Variants in PIGC observed in about 807,000 individuals in gnomAD.
PIGC encodes phosphatidylinositol glycan anchor biosynthesis class C.
PIGC carries 14 observed loss-of-function variants against 20.9 expected under a neutral mutation model. The ratio of observed to expected loss-of-function variants is 0.67; its 90% CI spans 0.44 to 1.05. PIGC has a LOEUF of 1.05. Among genes scored for constraint, PIGC ranks in the 50% least tolerant of loss-of-function variants. PIGC has a pLI of 0.00. For synonymous variants in PIGC, 132 were observed against 141.4 expected (o/e 0.93, Z 0.47); for missense variants, 310 against 360.9 (o/e 0.86, Z 1.14).
At position 172,441,949 on chromosome 1, in the gene PIGC, G is replaced by A. The variant is rs1362429049; in HGVS notation, c.674C>T (p.Pro225Leu). ...CAGTGTGACCCCCACATAGCTCCGG[G>A]GAGTACATGCCTTTAGTTTCTTCTG... Reference protein sequence around the residue: ...MLQKKLKACTPRSYVGVTLLF... With the variant: ...MLQKKLKACTLRSYVGVTLLF... The change falls in exon 2 of 2, where the codon CCC (proline) becomes CTC (leucine). Residue 225 changes from proline (P) to leucine (L), a missense_variant. Transcript: ENST00000344529. The A allele has an allele frequency of 1.9e-6, 3 of 1,614,080 alleles. No individual in the cohort carries two copies. The highest frequency in any genetic ancestry group is 1.7e-5 in the Admixed American group (1 of 60,002).
intron 1 of PIGC, 192 bp downstream of exon 1, chr1:172,443,796 G>C (rs959057390): frequency 4.2e-6 from 1 of 237,104 alleles, no homozygotes; most frequent in Non-Finnish European, 7.6e-6. Flanking sequence ...CCCGCCCGCA[G>C]AGTGGGGCTG....
At position 172,442,220 on chromosome 1, in the gene PIGC, G is replaced by A. The variant is rs1257889525; in HGVS notation, c.403C>T (p.Pro135Ser). ...GACTCTGTAAGGGTCTTCAGCACTG[G>A]TGAAAACCCATAAGTGAAAGTAATG... Reference protein sequence around the residue: ...VFITFTYGFSPVLKTLTESVS... With the variant: ...VFITFTYGFSSVLKTLTESVS... The change falls in exon 2 of 2, where the codon CCA becomes TCA. Residue 135 changes from proline to serine, a missense_variant. Transcript: ENST00000344529. 1.8e-5 allele frequency: 29 copies of A among 1,613,988 alleles called. No individual in the cohort carries two copies. The highest frequency in any genetic ancestry group is 2.5e-5 in the Non-Finnish European group (29 of 1,179,860).
Position 172,442,669 on chromosome 1 carries a change from A to C in PIGC, c.-47T>G, listed in dbSNP as rs141515557. The C allele has an allele frequency of 1.0e-4, 152 of 1,510,516 alleles. 3 individuals are homozygous for C. The Middle Eastern group carries it at 3.3e-3, about 33-fold the overall frequency. 93.6% of individuals were successfully genotyped at this position (1,510,516 alleles called of 1,614,324 possible). The stretch of plus-strand genomic sequence containing the variant: ...GCCAGTTTAATCATCGCCCTCACAG[A>C]AGTCCAGGTGGTTCTTGTTCTTTAT... On this transcript the variant is annotated 5_prime_UTR_variant, in exon 2 of 2. Coordinates refer to ENST00000344529, the MANE Select transcript of PIGC (RefSeq NM_153747.2).
At chr1:172,443,878 G>A in intron 1 of PIGC, 110 bp downstream of exon 1, 3 of 828,412 alleles carry the variant, frequency 3.6e-6, no homozygotes, top group Non-Finnish European at 4.5e-6. Context: ...TTGGCTTTTT[G>A]GGTGGGCCTC....
rs765916074 is a variant in PIGC, at chr1:172,442,126, T to C, written c.497A>G (p.Tyr166Cys). The C allele has an allele frequency of 2.0e-5, 33 of 1,614,000 alleles. No homozygotes were observed. Among genetic ancestry groups the C allele is most frequent in the Non-Finnish European group, 2.7e-5 (32 of 1,180,012 alleles). ...MLLGHLIFFD[Y>C]GANAAIVSST... ...GGATACAATGGCAGCATTGGCACCA[T>C]AGTCAAAAAAGATGAGATGGCCTAA... Residue 166 changes from tyrosine to cysteine, a missense_variant, in exon 2 of 2, where the codon TAT becomes TGT. Tyr to Cys is a radical substitution (Grantham distance 194, BLOSUM62 -2). Transcript: ENST00000344529.
At chr1:172,443,857 TG>T in intron 1 of PIGC, 130 bp downstream of exon 1, 1 of 591,270 alleles carries the variant, frequency 1.7e-6, no homozygotes, top group Non-Finnish European at 2.2e-6. Flanking sequence ...TTCACTCTTC[TG>T]GCACCCCATT....
Position 172,442,407 on chromosome 1 carries a change from C to A in PIGC, c.216G>T (p.Trp72Cys), listed in dbSNP as rs1343933893. 3 of 1,614,044 alleles carry A rather than the reference C, an allele frequency of 1.9e-6. No individual in the cohort carries two copies. The part of the protein sequence containing the change: ...LCSVCVFVVI[W>C]WYMDEGLLAP... ...CCAGAAGACCCTCATCCATATACCA[C>A]CAGATAACCACAAAAACACAAACAC... The change falls in exon 2 of 2, where the codon TGG (tryptophan) becomes TGT (cysteine). Residue 72 changes from tryptophan to cysteine, a missense_variant. By Grantham distance (215) the Trp-to-Cys change is radical (BLOSUM62 -2). Transcript: ENST00000344529.
chr1:172,441,895 A>G lies in PIGC; in HGVS notation c.728T>C (p.Leu243Pro). Residue 243 changes from leucine (L) to proline (P), a missense_variant, in exon 2 of 2, where the codon CTA becomes CCA. Coordinates refer to ENST00000344529, the MANE Select transcript of PIGC (RefSeq NM_153747.2). Reference protein sequence around the residue: ...LLFAFSAVGGLLSISAVGAVL... With the variant: ...LLFAFSAVGGPLSISAVGAVL... ...GGCTCCCACAGCACTAATGGACAGT[A>G]GGCCTCCCACGGCTGAAAATGCAAA... The G allele has an allele frequency of 6.2e-7, 1 of 1,614,190 alleles. No homozygotes were observed. Among genetic ancestry groups the G allele is most frequent in the African/African-American group, 1.3e-5 (1 of 75,052 alleles).
At position 172,441,524 on chromosome 1, in the gene PIGC, C is replaced by T. The variant is rs748706876; in HGVS notation, c.*205G>A. ...GTTACAGCATGTAATTCAAGAGGTC[C>T]CCAGAAAGTTTTTTCATCTACAAAA... is the stretch of plus-strand genomic sequence containing the variant. On this transcript the variant is annotated 3_prime_UTR_variant, in exon 2 of 2. Transcript: ENST00000344529. The T allele has an allele frequency of 2.3e-6, 1 of 425,744 alleles. No homozygotes were observed. The highest frequency in any genetic ancestry group is 4.1e-6 in the Non-Finnish European group (1 of 241,508). 26.4% of individuals were successfully genotyped at this position (425,744 alleles called of 1,614,324 possible).
At position 172,442,317 on chromosome 1, in the gene PIGC, G is replaced by T; in HGVS notation, c.306C>A (p.Leu102=). The T allele has an allele frequency of 3.1e-6, 5 of 1,613,312 alleles. No individual in the cohort carries two copies. The highest frequency in any genetic ancestry group is 4.2e-6 in the Non-Finnish European group (5 of 1,180,024). ...SSLIGYVLFD[L]IDGGEGRKKS... ...TCTTCCGCCCTTCACCTCCATCAAT[G>T]AGATCAAACAAAACATACCCAATCA... is the stretch of plus-strand genomic sequence containing the variant. The change falls in exon 2 of 2, where the codon CTC becomes CTA. Residue 102 remains leucine, a synonymous_variant. Coordinates refer to ENST00000344529, the MANE Select transcript of PIGC (RefSeq NM_153747.2).
chr1:172,443,955 G>A (rs1647651555), intron 1 of PIGC, 33 bp downstream of exon 1: 25 of 999,464 alleles, frequency 2.5e-5, no homozygotes, highest in Non-Finnish European at 2.9e-5. Context: ...AAGGAGCCCC[G>A]GAAACACTGA....
In PIGC at chr1:172,442,114, G is replaced by GCATTGGCAC. The variant is rs1647376969; in HGVS notation, c.500_508dup (p.Gly167_Asn169dup). The GCATTGGCAC allele has an allele frequency of 6.2e-7, 1 of 1,614,038 alleles. No homozygotes were observed. The highest frequency in any genetic ancestry group is 1.3e-5 in the African/African-American group (1 of 74,916). ...GGATAGTGTGCTGGATACAATGGCA[G>GCATTGGCAC]CATTGGCACCATAGTCAAAAAAGAT... is the stretch of plus-strand genomic sequence containing the variant. On this transcript the variant is annotated inframe_insertion, in exon 2 of 2. Transcript: ENST00000344529.
intron 1 of PIGC, chr1:172,443,428 A>G (rs557299008): frequency 4.8e-5 from 8 of 167,188 alleles, no homozygotes; most frequent in African/African-American, 1.9e-4. Context: ...TATGAGCTCT[A>G]TAGTTTAACC....
chr1:172,443,485 C>CTTAG (rs1190349422), intron 1 of PIGC: 2 of 167,098 alleles, frequency 1.2e-5, no homozygotes, highest in African/African-American at 4.8e-5. Context: ...ATTAGCTGAG[C>CTTAG]TTAGCATCCT....
In PIGC at chr1:172,442,069, G is replaced by A; in HGVS notation, c.554C>T (p.Ala185Val). 1 of 1,614,182 alleles carries A rather than the reference G, an allele frequency of 6.2e-7. No individual in the cohort carries two copies. Residue 185 changes from alanine to valine, a missense_variant, in exon 2 of 2, where the codon GCT becomes GTT. Ala to Val is a moderately conservative substitution (Grantham distance 64). Coordinates refer to ENST00000344529, the MANE Select transcript of PIGC (RefSeq NM_153747.2). The part of the protein sequence containing the change: ...STLSLNMAIF[A>V]SVCLASRLPR... ...AAGACGTGATGCCAAGCATACAGAA[G>A]CAAAGATGGCCATGTTCAAGGATAG...
At position 172,442,738 on chromosome 1, in the gene PIGC, G is replaced by T; in HGVS notation, c.-116C>A. On this transcript the variant is annotated 5_prime_UTR_variant, in exon 2 of 2. Coordinates refer to ENST00000344529, the MANE Select transcript of PIGC (RefSeq NM_153747.2). ...CTCCCTGGAAATTCCATGCTGTGTT[G>T]ATGTTCTACCAACCTTTCCTTGTTT... 1.1e-6 allele frequency: 1 copy of T among 876,400 alleles called. No homozygotes were observed. The highest frequency in any genetic ancestry group is 1.8e-6 in the Non-Finnish European group (1 of 546,866). 54.3% of individuals were successfully genotyped at this position (876,400 alleles called of 1,614,324 possible).
In PIGC at chr1:172,441,684, G is replaced by A; in HGVS notation, c.*45C>T. The A allele has an allele frequency of 1.4e-6, 2 of 1,436,390 alleles. No homozygotes were observed. Among genetic ancestry groups the A allele is most frequent in the South Asian group, 1.4e-5 (1 of 71,978 alleles). The allele number at this position is 1,436,390 out of a possible 1,614,324, so 89.0% of individuals were successfully genotyped here. A position where few individuals can be genotyped will look rare whatever the true frequency, so the allele number is the denominator to read the frequency against. ...TCTTTAAGTTCTATACTAGTTAGGA[G>A]GCTAATCTATCAGCTTGCTTTAATA... On this transcript the variant is annotated 3_prime_UTR_variant, in exon 2 of 2. Transcript: ENST00000344529.
Position 172,442,277 on chromosome 1 carries a change from G to C in PIGC, c.346C>G (p.Arg116Gly). 1 of 1,613,748 alleles carries C rather than the reference G, an allele frequency of 6.2e-7. No individual in the cohort carries two copies. The highest frequency in any genetic ancestry group is 8.5e-7 in the Non-Finnish European group (1 of 1,179,980). The change falls in exon 2 of 2, where the codon CGG becomes GGG. Residue 116 changes from arginine to glycine, a missense_variant. Transcript: ENST00000344529. ...GEGRKKSGQT[R>G]WADLKSALVF... ...AGGGCACTCTTCAGGTCAGCCCACC[G>C]GGTCTGCCCACTCTTCTTCCGCCCT...
chr1:172,441,859 G>A lies in PIGC; in HGVS notation c.764C>T (p.Ala255Val). ...SISAVGAVLFALLLMSISCLC... is the reference protein window; with the variant it reads ...SISAVGAVLFVLLLMSISCLC... Reference sequence around the variant, plus strand: ...ACATGAGATAGACATCAGCAGAAGGGCAAAGAGTACGGCTCCCACAGCACT... The same window carrying A: ...ACATGAGATAGACATCAGCAGAAGGACAAAGAGTACGGCTCCCACAGCACT... Residue 255 changes from alanine (A) to valine (V), a missense_variant, in exon 2 of 2, where the codon GCC becomes GTC. Transcript: ENST00000344529. The A allele has an allele frequency of 6.2e-7, 1 of 1,614,126 alleles. No individual in the cohort carries two copies. Among genetic ancestry groups the A allele is most frequent in the Non-Finnish European group, 8.5e-7 (1 of 1,179,998 alleles).
Sources: allele counts gnomAD v4.1 joint callset, GRCh38; gene constraint gnomAD v4.1.1; transcripts MANE v1.5; gene names NCBI Gene and HGNC (gene_info 2026-07-23, HGNC 2026-07-21).